TAF4B: variants seen among roughly 807,000 people sequenced by gnomAD.
TAF4B encodes the protein TATA-box binding protein associated factor 4b, also known as transcription initiation factor TFIID subunit 4B.
A neutral mutation model predicts 86.4 loss-of-function variants in TAF4B; 38 were observed. The ratio of observed to expected loss-of-function variants is 0.44; its 90% CI spans 0.34 to 0.58. The LOEUF is 0.58. Ranked by LOEUF, TAF4B falls within the 20% of genes least tolerant of loss-of-function variation. TAF4B has a pLI of 0.02. For synonymous variants in TAF4B, 388 were observed against 391.2 expected (o/e 0.99, Z 0.10); for missense variants, 988 against 1,027.6 (o/e 0.96, Z 0.53).
chr18:26,298,655 C>T (rs55924105), intron 9 of TAF4B, among the ~76,000 whole-genome samples: 3,863 of 152,138 alleles, frequency 0.025, 73 homozygotes, highest in Non-Finnish European at 0.037. Context: ...GCCTCAGGCT[C>T]TCAAGTAGCT....
intron 14 of TAF4B, among the ~76,000 whole-genome samples, chr18:26,388,778 G>A (rs1311204749): frequency 6.6e-6 from 1 of 152,144 alleles, no homozygotes; most frequent in Non-Finnish European, 1.5e-5. Context: ...ATATAGCACA[G>A]TGGTTAAGAG....
intron 1 of TAF4B, among the ~76,000 whole-genome samples, chr18:26,253,581 C>T (rs890189632): frequency 2.6e-5 from 4 of 151,994 alleles, no homozygotes; most frequent in African/African-American, 9.7e-5. Context: ...TAATACTGAC[C>T]TTATAGATTG....
At chr18:26,378,087 G>A (rs2144369085) in intron 14 of TAF4B, among the ~76,000 whole-genome samples, 1 of 152,204 alleles carries the variant, frequency 6.6e-6, no homozygotes. Context: ...CTCCTATGGG[G>A]CGTTTGGAAA....
intron 1 of TAF4B, among the ~76,000 whole-genome samples, chr18:26,257,431 G>A (rs576940262): frequency 6.6e-6 from 1 of 152,066 alleles, no homozygotes; most frequent in South Asian, 2.1e-4. Flanking sequence ...TTATATCTTT[G>A]AGTCTAATGT....
rs1173708708 is a variant in TAF4B, at chr18:26,252,636, TTACC to T, written c.344-12527_344-12524del. ...TCCAGTGTATTGACACTCTGTACAC[TTACC>T]TACCTATTAGTTACTTAGTAGCCCT... On this transcript the variant is annotated intron_variant, in intron 1 of 14. Coordinates refer to ENST00000269142, the MANE Select transcript of TAF4B (RefSeq NM_005640.3). Among the ~76,000 whole-genome samples, 13 of 150,718 alleles carry T rather than the reference TTACC, an allele frequency of 8.6e-5. No homozygotes were observed. The South Asian group carries it at 2.7e-3, about 32-fold the overall frequency.
chr18:26,389,774 G>T, intron 14 of TAF4B, 71 bp from the exon 15 acceptor site: 16 of 1,524,714 alleles, frequency 1.0e-5, no homozygotes, highest in Non-Finnish European at 1.4e-5. Flanking sequence ...GCTCTGACAT[G>T]CTAGAATTGA....
Position 26,275,020 on chromosome 18 carries a change from G to T in TAF4B, c.849G>T (p.Gly283=). The change falls in exon 5 of 15, where the codon GGG becomes GGT. Residue 283 remains glycine, a synonymous_variant. Coordinates refer to ENST00000269142, the MANE Select transcript of TAF4B (RefSeq NM_005640.3). ...GTGGATCACAGTCCCCAGAAATGGG[G>T]CAAAATGTGAAGAAGCTGGTGGAAC... The part of the protein sequence containing the change: ...ACSGSQSPEM[G]QNVKKLVEQL... 1 of 1,611,214 alleles carries T rather than the reference G, an allele frequency of 6.2e-7. No individual in the cohort carries two copies. Among genetic ancestry groups the T allele is most frequent in the South Asian group, 1.1e-5 (1 of 90,574 alleles).
chr18:26,388,482 A>G (rs914477798), intron 14 of TAF4B, among the ~76,000 whole-genome samples: 4 of 152,240 alleles, frequency 2.6e-5, no homozygotes, highest in African/African-American at 9.6e-5. Flanking sequence ...CAGAAAGCTT[A>G]TGGTCTAGTG....
At chr18:26,238,089 C>T (rs1269385956) in intron 1 of TAF4B, among the ~76,000 whole-genome samples, 4 of 152,184 alleles carry the variant, frequency 2.6e-5, no homozygotes, top group African/African-American at 9.7e-5. Flanking sequence ...TTTAGTGGCC[C>T]TTACTGACGC....
At chr18:26,267,469 A>G (rs1370712149) in intron 2 of TAF4B, 47 bp from the exon 3 acceptor site, 1 of 1,274,962 alleles carries the variant, frequency 7.8e-7, no homozygotes, top group Admixed American at 1.7e-5. Flanking sequence ...ATCTTAAATT[A>G]CTAACGCTAA....
chr18:26,311,715 T>G (rs906148751), intron 9 of TAF4B, among the ~76,000 whole-genome samples: 6 of 152,046 alleles, frequency 3.9e-5, no homozygotes, highest in Non-Finnish European at 5.9e-5. Context: ...TATTCTATAG[T>G]GAGTAATGGA....
intron 6 of TAF4B, among the ~76,000 whole-genome samples, chr18:26,283,403 TG>T (rs1395191697): frequency 2.6e-5 from 4 of 152,132 alleles, no homozygotes; most frequent in African/African-American, 9.7e-5. Context: ...GTATTGTCAA[TG>T]AGTGGTAATA....
chr18:26,389,770 A>C (rs1366408974), intron 14 of TAF4B, 75 bp from the exon 15 acceptor site: 1 of 1,504,042 alleles, frequency 6.6e-7, no homozygotes, highest in Non-Finnish European at 9.0e-7. Context: ...GTGGGCTCTG[A>C]CATGCTAGAA....
intron 12 of TAF4B, among the ~76,000 whole-genome samples, chr18:26,328,284 A>G (rs2057022133): frequency 6.6e-6 from 1 of 152,074 alleles, no homozygotes; most frequent in South Asian, 2.1e-4. Context: ...CCCCATCTCA[A>G]CTAAAAATAC....
At position 26,275,775 on chromosome 18, in the gene TAF4B, G is replaced by A. The variant is rs138128689; in HGVS notation, c.882+722G>A. Among the ~76,000 whole-genome samples, 20 of 152,146 alleles carry A rather than the reference G, an allele frequency of 1.3e-4. No homozygotes were observed. The East Asian group carries it at 3.7e-3, about 28-fold the overall frequency. On this transcript the variant is annotated intron_variant, in intron 5 of 14. Transcript: ENST00000269142. The stretch of plus-strand genomic sequence containing the variant: ...TCATGCCTGTAATCCCAGCACTTTG[G>A]GAGGCCGAGGCAGGTGGATCACCTG...
chr18:26,299,977 T>A (rs920300162), intron 9 of TAF4B, among the ~76,000 whole-genome samples: 1 of 152,022 alleles, frequency 6.6e-6, no homozygotes, highest in African/African-American at 2.4e-5. Context: ...TCTCTCTTTT[T>A]ATTAGTAGGC....
intron 10 of TAF4B, among the ~76,000 whole-genome samples, chr18:26,319,747 G>A (rs895880421): frequency 1.8e-4 from 28 of 151,818 alleles, no homozygotes; most frequent in Non-Finnish European, 1.5e-5. Context: ...GCACCACCAC[G>A]ACCAGCTATT....
intron 7 of TAF4B, among the ~76,000 whole-genome samples, chr18:26,289,224 A>G (rs553997839): frequency 2.0e-5 from 3 of 152,332 alleles, no homozygotes; most frequent in African/African-American, 4.8e-5. Flanking sequence ...ATTATAAACC[A>G]TAGTCCAATT....
intron 1 of TAF4B, chr18:26,256,447 C>A: frequency 1.4e-6 from 1 of 729,702 alleles, no homozygotes; most frequent in Non-Finnish European, 2.4e-6. Flanking sequence ...GCCAGTCCCC[C>A]TCAAGCACTC....
Sources: allele counts gnomAD v4.1 joint callset (sites outside exome capture counted in the v4.1 genomes callset), GRCh38; gene constraint gnomAD v4.1.1; transcripts MANE v1.5; gene names NCBI Gene and HGNC (gene_info 2026-07-23, HGNC 2026-07-21).